The following TMEM108 variants were observed in gnomAD, a reference collection of about 807,000 sequenced individuals.
TMEM108 encodes cancer/testis antigen 124.
TMEM108 carries 12 observed loss-of-function variants against 35.1 expected under a neutral mutation model. That is an observed-to-expected ratio of 0.34 (90% CI 0.22 to 0.55). The LOEUF (loss-of-function observed/expected upper bound fraction) is 0.55, where lower values mean the gene tolerates loss of function less well. TMEM108 is among the 20% of genes least tolerant of loss of function. The pLI is 0.89. For missense variants in TMEM108, 680 were observed against 753.3 expected (o/e 0.90, Z 1.14); for synonymous variants, 287 against 308.6 (o/e 0.93, Z 0.73).
At chr3:133,390,397 C>T in intron 5 of TMEM108, 63 bp downstream of exon 5, 1 of 1,576,926 alleles carries the variant, frequency 6.3e-7, no homozygotes, top group Non-Finnish European at 8.6e-7. Context: ...AGCCATGGGG[C>T]ATCTGCTCAT....
chr3:133,314,787 G>T (rs1398056466), intron 3 of TMEM108, among the ~76,000 whole-genome samples: 1 of 152,140 alleles, frequency 6.6e-6, no homozygotes, highest in Non-Finnish European at 1.5e-5. Context: ...ATTTTGAAAT[G>T]GCCTAGTCCT....
At chr3:133,389,049 G>T (rs1054795366) in intron 4 of TMEM108, 25 of 985,402 alleles carry the variant, frequency 2.5e-5, no homozygotes, top group Non-Finnish European at 2.8e-5. Flanking sequence ...TGGTGATGAT[G>T]AACCTGGGGC....
At chr3:133,213,603 A>G (rs112022399) in intron 2 of TMEM108, among the ~76,000 whole-genome samples, 2,279 of 152,270 alleles carry the variant, frequency 0.015, 76 homozygotes, top group African/African-American at 0.051. Flanking sequence ...TGACAGATGA[A>G]GTTTGTGTTT....
At chr3:133,235,973 C>T (rs1409615025) in intron 3 of TMEM108, among the ~76,000 whole-genome samples, 1 of 152,058 alleles carries the variant, frequency 6.6e-6, no homozygotes, top group Non-Finnish European at 1.5e-5. Context: ...CTTGATTTAG[C>T]AGATGTGGTG....
At chr3:133,342,297 A>G (rs2071680281) in intron 3 of TMEM108, among the ~76,000 whole-genome samples, 1 of 151,346 alleles carries the variant, frequency 6.6e-6, no homozygotes, top group Non-Finnish European at 1.5e-5. Flanking sequence ...AGTATTTGCT[A>G]GTACAACCGG....
chr3:133,373,945 G>T (rs2072755555), intron 3 of TMEM108, among the ~76,000 whole-genome samples: 1 of 152,220 alleles, frequency 6.6e-6, no homozygotes, highest in African/African-American at 2.4e-5. Flanking sequence ...GGGTCATCTT[G>T]CAGGCTCTTC....
intron 3 of TMEM108, among the ~76,000 whole-genome samples, chr3:133,310,398 C>CA (rs2071109585): frequency 6.6e-6 from 1 of 152,082 alleles, no homozygotes; most frequent in Non-Finnish European, 1.5e-5. Flanking sequence ...GTATTGGGTG[C>CA]ATATATATTT....
chr3:133,089,913 T>C (rs1322574348), intron 2 of TMEM108, among the ~76,000 whole-genome samples: 6 of 152,206 alleles, frequency 3.9e-5, no homozygotes, highest in Admixed American at 3.9e-4. Context: ...GTTTAATATG[T>C]AGAATTTATT....
At chr3:133,319,485 T>C (rs2071239264) in intron 3 of TMEM108, among the ~76,000 whole-genome samples, 1 of 152,206 alleles carries the variant, frequency 6.6e-6, no homozygotes, top group Admixed American at 6.5e-5. Flanking sequence ...AGAAAACATC[T>C]AATTCCATTG....
intron 2 of TMEM108, among the ~76,000 whole-genome samples, chr3:133,179,609 G>A (rs1197916539): frequency 1.3e-5 from 2 of 150,932 alleles, no homozygotes; most frequent in African/African-American, 2.4e-5. Flanking sequence ...TGAACAATGA[G>A]AACACATGGA....
In TMEM108 at chr3:133,042,360, A is replaced by G. The variant is rs111618378; in HGVS notation, c.-165-3542A>G. ...GTCTTTACTACCAATGCTAAATACT[A>G]AAATCCTGCTTGTGCTAGGTAGTGG... On this transcript the variant is annotated intron_variant, in intron 1 of 5. Transcript: ENST00000321871. 8.5e-5 allele frequency among the ~76,000 whole-genome samples: 13 copies of G among 152,292 alleles called. 1 individual carries two copies. Among genetic ancestry groups the G allele is most frequent in the African/African-American group, 3.1e-4 (13 of 41,552 alleles).
intron 2 of TMEM108, among the ~76,000 whole-genome samples, chr3:133,207,403 G>A (rs1945773308): frequency 6.6e-6 from 1 of 152,058 alleles, no homozygotes; most frequent in South Asian, 2.1e-4. Context: ...ACTGGGAGCT[G>A]CAGACCAGAG....
rs139624517 is a variant in TMEM108, at chr3:133,350,417, AAG to A, written c.41-29330_41-29329del. On this transcript the variant is annotated intron_variant, in intron 3 of 5. Coordinates refer to ENST00000321871, the MANE Select transcript of TMEM108 (RefSeq NM_023943.4). ...AACATTGTGTATTACTAAATACTAG[AAG>A]AGAGGCTTGTGAAGGTGGTTCTCAC... is the stretch of plus-strand genomic sequence containing the variant. 7.7e-3 allele frequency among the ~76,000 whole-genome samples: 1,170 copies of A among 152,218 alleles called. 17 individuals are homozygous for A. The highest frequency in any genetic ancestry group is 0.027 in the African/African-American group (1,110 of 41,530).
chr3:133,321,108 CA>C (rs974880262), intron 3 of TMEM108, among the ~76,000 whole-genome samples: 1 of 151,856 alleles, frequency 6.6e-6, no homozygotes, highest in African/African-American at 2.4e-5. Context: ...AACAATAACA[CA>C]AAAAAACAAG....
At chr3:133,043,371 G>A (rs73209379) in intron 1 of TMEM108, among the ~76,000 whole-genome samples, 15,613 of 152,182 alleles carry the variant, frequency 0.1, 833 homozygotes, top group East Asian at 0.15. Flanking sequence ...CATTAGGGTG[G>A]AAGAGTGTTA....
intron 2 of TMEM108, among the ~76,000 whole-genome samples, chr3:133,081,587 C>T (rs1943811415): frequency 6.6e-6 from 1 of 152,196 alleles, no homozygotes; most frequent in Non-Finnish European, 1.5e-5. Flanking sequence ...TCACATTTCC[C>T]TGCAGGCCAG....
intron 2 of TMEM108, among the ~76,000 whole-genome samples, chr3:133,202,214 T>C (rs942176764): frequency 1.3e-5 from 2 of 152,222 alleles, no homozygotes; most frequent in Non-Finnish European, 2.9e-5. Flanking sequence ...GATGGATAGA[T>C]TGCAAAAATT....
At chr3:133,265,503 A>T (rs1346796536) in intron 3 of TMEM108, among the ~76,000 whole-genome samples, 2 of 152,140 alleles carry the variant, frequency 1.3e-5, no homozygotes, top group Non-Finnish European at 2.9e-5. Context: ...TTCTGAACCC[A>T]ATGTGTGGGA....
At chr3:133,105,189 G>T (rs572080495) in intron 2 of TMEM108, among the ~76,000 whole-genome samples, 110 of 152,174 alleles carry the variant, frequency 7.2e-4, no homozygotes, top group African/African-American at 2.6e-3. Context: ...CAAAACCAAG[G>T]CCCACTTCCG....
Sources: gnomAD v4.1 joint callset for allele counts (sites outside exome capture counted in the v4.1 genomes callset) on GRCh38, gnomAD v4.1.1 for gene constraint, MANE v1.5 for transcripts, NCBI Gene and HGNC (gene_info 2026-07-23, HGNC 2026-07-21) for gene names.